The following DLGAP2 variants were observed in gnomAD, a reference collection of about 807,000 sequenced individuals.
The protein encoded by DLGAP2 is DLG associated protein 2, also known as disks large-associated protein 2.
DLGAP2 carries 26 observed loss-of-function variants against 100.3 expected under a neutral mutation model. The ratio of observed to expected loss-of-function variants is 0.26; its 90% CI spans 0.19 to 0.36. The LOEUF is 0.36. Ranked by LOEUF, DLGAP2 falls within the 10% of genes least tolerant of loss-of-function variation. The probability of loss-of-function intolerance (pLI) is 1.00; values close to 1 mark genes in which losing one functional copy is unlikely to be tolerated. For synonymous variants in DLGAP2, 886 were observed against 630.1 expected (o/e 1.41, Z -6.08); for missense variants, 1,858 against 1,453.2 (o/e 1.28, Z -4.53).
Position 1,225,415 on chromosome 8 carries a change from C to T in DLGAP2, c.74-33436C>T, listed in dbSNP as rs181798396. 8.5e-4 allele frequency among the ~76,000 whole-genome samples: 130 copies of T among 152,262 alleles called. 2 individuals are homozygous for T. The highest frequency in any genetic ancestry group is 4.3e-4 in the Non-Finnish European group (29 of 68,030). ...TACAGAACACCGAGGTAATTGCCAG[C>T]GGCAGAACAGAGAGGAGAATGGGGA... On this transcript the variant is annotated intron_variant, in intron 2 of 14. Coordinates refer to ENST00000637795, the MANE Select transcript of DLGAP2 (RefSeq NM_001346810.2).
At chr8:859,568 C>T (rs968352112) in intron 1 of DLGAP2, among the ~76,000 whole-genome samples, 1 of 152,190 alleles carries the variant, frequency 6.6e-6, no homozygotes, top group Non-Finnish European at 1.5e-5. Flanking sequence ...AATGGCCCAT[C>T]GCCCCCTGCC....
intron 2 of DLGAP2, among the ~76,000 whole-genome samples, chr8:1,073,828 T>C (rs1803507514): frequency 6.6e-6 from 1 of 152,274 alleles, no homozygotes; most frequent in Non-Finnish European, 1.5e-5. Flanking sequence ...TCTTCTGCTA[T>C]TCTGTGGCAG....
intron 1 of DLGAP2, among the ~76,000 whole-genome samples, chr8:830,987 C>T (rs1210971466): frequency 3.3e-5 from 5 of 151,534 alleles, no homozygotes; most frequent in Admixed American, 3.3e-4. Flanking sequence ...CCTTTGCCTC[C>T]CGAGTTCAAG....
intron 8 of DLGAP2, among the ~76,000 whole-genome samples, chr8:1,663,752 C>A (rs770240767): frequency 6.6e-6 from 1 of 152,086 alleles, no homozygotes; most frequent in South Asian, 2.1e-4. Flanking sequence ...AAAATCATCT[C>A]AAGATATTAA....
chr8:924,508 C>T (rs1203083629), intron 2 of DLGAP2, among the ~76,000 whole-genome samples: 1 of 151,438 alleles, frequency 6.6e-6, no homozygotes, highest in Non-Finnish European at 1.5e-5. Flanking sequence ...AGGTGCAGGA[C>T]GTGAATTTAC....
intron 8 of DLGAP2, among the ~76,000 whole-genome samples, chr8:1,641,235 G>C (rs1211527819): frequency 6.6e-6 from 1 of 152,216 alleles, no homozygotes; most frequent in African/African-American, 2.4e-5. Flanking sequence ...GCGTGATGCA[G>C]ATAAATCGTG....
At chr8:1,022,102 C>T (rs976488742) in intron 2 of DLGAP2, among the ~76,000 whole-genome samples, 2 of 152,188 alleles carry the variant, frequency 1.3e-5, no homozygotes, top group African/African-American at 4.8e-5. Flanking sequence ...GAAGCCCAGA[C>T]AGCACCCAAT....
chr8:1,025,071 T>C, intron 2 of DLGAP2, among the ~76,000 whole-genome samples: 1 of 152,066 alleles, frequency 6.6e-6, no homozygotes. Flanking sequence ...TGCATGTGTG[T>C]GCATGTGTGT....
chr8:1,027,806 C>T (rs1282545351), intron 2 of DLGAP2, among the ~76,000 whole-genome samples: 1 of 111,976 alleles, frequency 8.9e-6, no homozygotes, highest in African/African-American at 3.6e-5. Context: ...GGGTGTCAGG[C>T]GCCCGTTATT....
At chr8:1,690,154 G>A (rs139062754) in intron 12 of DLGAP2, among the ~76,000 whole-genome samples, 2 of 151,930 alleles carry the variant, frequency 1.3e-5, no homozygotes, top group African/African-American at 4.8e-5. Context: ...TCAGGAGTTC[G>A]AGACCAGCCT....
chr8:809,257 C>G (rs1252813869), intron 1 of DLGAP2, among the ~76,000 whole-genome samples: 1 of 152,138 alleles, frequency 6.6e-6, no homozygotes, highest in Non-Finnish European at 1.5e-5. Context: ...CACGTGGGCA[C>G]ACTTCGATGA....
rs1427416997 is a variant in DLGAP2, at chr8:1,293,881, C to G, written c.106+34998C>G. On this transcript the variant is annotated intron_variant, in intron 3 of 14. Transcript: ENST00000637795. ...ATATATTTAAAAAATAGTTTATTGT[C>G]TTCAGAAACAGATGTGCTGAGGTCC... Among the ~76,000 whole-genome samples the G allele has an allele frequency of 2.6e-5, 4 of 152,150 alleles. No homozygotes were observed. In the East Asian group the frequency reaches 7.7e-4, roughly 29 times the overall value.
chr8:1,655,608 G>C (rs1798265468), intron 8 of DLGAP2, among the ~76,000 whole-genome samples: 2 of 152,000 alleles, frequency 1.3e-5, no homozygotes, highest in South Asian at 4.2e-4. Context: ...TTAAACATGT[G>C]TTTAAAGCGA....
chr8:1,499,335 G>A (rs1488570522), intron 3 of DLGAP2, among the ~76,000 whole-genome samples: 2 of 152,218 alleles, frequency 1.3e-5, no homozygotes, highest in Non-Finnish European at 2.9e-5. Flanking sequence ...CCTTGTCTCT[G>A]TGTGCATGTG....
In DLGAP2 at chr8:1,036,174, G is replaced by T. The variant is rs376327964; in HGVS notation, c.73+128208G>T. 1.0e-4 allele frequency among the ~76,000 whole-genome samples: 15 copies of T among 148,150 alleles called. No homozygotes were observed. The East Asian group carries it at 1.0e-3, about 10-fold the overall frequency. On this transcript the variant is annotated intron_variant, in intron 2 of 14. Transcript: ENST00000637795. ...GCGAGTGGATTCACACGCTCATCCCGACCCCGCGTGTCACCGCGAGTGGGT... is the reference window on the plus strand; with the variant it reads ...GCGAGTGGATTCACACGCTCATCCCTACCCCGCGTGTCACCGCGAGTGGGT...
intron 2 of DLGAP2, among the ~76,000 whole-genome samples, chr8:918,123 C>T (rs964796370): frequency 6.6e-6 from 1 of 152,180 alleles, no homozygotes; most frequent in Non-Finnish European, 1.5e-5. Context: ...TTGTGCCTTC[C>T]CCAGCTCTGG....
intron 2 of DLGAP2, among the ~76,000 whole-genome samples, chr8:1,251,969 A>T (rs570361950): frequency 6.6e-6 from 1 of 152,274 alleles, no homozygotes; most frequent in South Asian, 2.1e-4. Flanking sequence ...CAGTCATGTC[A>T]TGTCACACTT....
At chr8:801,725 T>C (rs555676447) in intron 1 of DLGAP2, among the ~76,000 whole-genome samples, 3 of 152,284 alleles carry the variant, frequency 2.0e-5, no homozygotes, top group East Asian at 3.9e-4. Context: ...TCTCCAGCAA[T>C]GTGACTTTCA....
intron 3 of DLGAP2, among the ~76,000 whole-genome samples, chr8:1,364,233 G>T (rs1802054451): frequency 2.0e-5 from 3 of 152,222 alleles, no homozygotes; most frequent in Admixed American, 2.0e-4. Flanking sequence ...GATCCCAGCT[G>T]TGGGTTTTGC....
Sources: allele counts gnomAD v4.1 joint callset (sites outside exome capture counted in the v4.1 genomes callset), GRCh38; gene constraint gnomAD v4.1.1; transcripts MANE v1.5; gene names NCBI Gene and HGNC (gene_info 2026-07-23, HGNC 2026-07-21).